The following ZPBP variants were observed in gnomAD, a reference collection of about 807,000 sequenced individuals.
ZPBP encodes the protein zona pellucida-binding protein 1.
A neutral mutation model predicts 44.8 loss-of-function variants in ZPBP; 26 were observed. The observed-to-expected ratio is 0.58, with a 90% CI of 0.43 to 0.81. ZPBP has a LOEUF of 0.81. Ranked by LOEUF, ZPBP falls within the 30% of genes least tolerant of loss-of-function variation. The pLI is 0.00. For missense variants in ZPBP, 409 were observed against 434.0 expected, an observed-to-expected ratio of 0.94 and a Z score of 0.51; for synonymous variants, 174 against 153.2, an observed-to-expected ratio of 1.14 and a Z score of -1.00.
intron 6 of ZPBP, 95 bp from the exon 7 acceptor site, chr7:49,983,614 C>G: frequency 1.3e-6 from 1 of 755,152 alleles, no homozygotes; most frequent in Non-Finnish European, 2.1e-6. Context: ...TTAAAGAAAA[C>G]AAAGTCTCAA....
chr7:49,955,431 C>T (rs1042509891), intron 7 of ZPBP, among the ~76,000 whole-genome samples: 1 of 152,010 alleles, frequency 6.6e-6, no homozygotes, highest in Non-Finnish European at 1.5e-5. Context: ...CTGGTGTGTG[C>T]CTTTAATCCC....
At chr7:49,856,574 T>C (rs1337074682) in intron 2 of ZPBP, among the ~76,000 whole-genome samples, 1 of 152,192 alleles carries the variant, frequency 6.6e-6, no homozygotes, top group Non-Finnish European at 1.5e-5. Flanking sequence ...TGAAGTATAA[T>C]TGGTATATAA....
chr7:49,847,681 C>A (rs889211247), downstream of ZPBP, among the ~76,000 whole-genome samples: 1 of 152,168 alleles, frequency 6.6e-6, no homozygotes, highest in Admixed American at 6.5e-5. Context: ...TGAGCAAAAG[C>A]CCTCATGGTG....
chr7:49,875,100 G>A (rs150105768), intron 2 of ZPBP, among the ~76,000 whole-genome samples: 24 of 151,860 alleles, frequency 1.6e-4, no homozygotes, highest in Middle Eastern at 3.4e-3. Flanking sequence ...GGCCGGGCAC[G>A]GTGGCTCATG....
At chr7:50,082,477 G>T (rs909972520) in intron 2 of ZPBP, among the ~76,000 whole-genome samples, 3 of 151,714 alleles carry the variant, frequency 2.0e-5, no homozygotes, top group African/African-American at 7.3e-5. Context: ...TCCTTTAGGA[G>T]ATACAAAAGG....
At chr7:49,922,355 G>T (rs552994107) in intron 1 of ZPBP, among the ~76,000 whole-genome samples, 2 of 152,048 alleles carry the variant, frequency 1.3e-5, no homozygotes, top group Non-Finnish European at 2.9e-5. Context: ...GCTCCTCTGC[G>T]CTGGCTTGGA....
chr7:50,010,908 C>CAAAAAAAAAAAAAAAAAA (rs71554292), intron 6 of ZPBP, among the ~76,000 whole-genome samples: 3 of 92,436 alleles, frequency 3.2e-5, no homozygotes, highest in East Asian at 7.1e-4. Flanking sequence ...CAAGACCAAG[C>CAAAAAAAAAAAAAAAAAA]AAAAAAAAAA....
At chr7:49,924,337 G>T (rs1047032548) in intron 1 of ZPBP, among the ~76,000 whole-genome samples, 1 of 151,956 alleles carries the variant, frequency 6.6e-6, no homozygotes, top group Admixed American at 6.6e-5. Flanking sequence ...TAGGAAACAG[G>T]TGCATAATTC....
intron 2 of ZPBP, among the ~76,000 whole-genome samples, chr7:49,868,470 TTTTATAA>T (rs1791004368): frequency 6.6e-6 from 1 of 152,204 alleles, no homozygotes; most frequent in Non-Finnish European, 1.5e-5. Context: ...ATGTACTGTA[TTTTATAA>T]AAATACCTAA....
chr7:49,961,079 A>C (rs1795845517), intron 7 of ZPBP, among the ~76,000 whole-genome samples: 1 of 152,174 alleles, frequency 6.6e-6, no homozygotes, highest in Non-Finnish European at 1.5e-5. Context: ...AACATACACT[A>C]ACCATATGAC....
intron 6 of ZPBP, among the ~76,000 whole-genome samples, chr7:50,003,925 T>C (rs1798195962): frequency 6.6e-6 from 1 of 152,142 alleles, no homozygotes; most frequent in South Asian, 2.1e-4. Context: ...CAAATTTCCC[T>C]AAATATGCTT....
chr7:49,993,448 T>A (rs1797654492), intron 6 of ZPBP, among the ~76,000 whole-genome samples: 1 of 152,142 alleles, frequency 6.6e-6, no homozygotes, highest in South Asian at 2.1e-4. Flanking sequence ...CACAATTGAT[T>A]GAAACATTCC....
chr7:50,076,746 AGGAC>A (rs1344839853), intron 3 of ZPBP, among the ~76,000 whole-genome samples: 2 of 151,800 alleles, frequency 1.3e-5, no homozygotes, highest in African/African-American at 4.8e-5. Flanking sequence ...GAAACTGAAG[AGGAC>A]ATCCAAAGAT....
intron 7 of ZPBP, among the ~76,000 whole-genome samples, chr7:49,973,986 A>C (rs997197494): frequency 6.6e-6 from 1 of 152,202 alleles, no homozygotes; most frequent in African/African-American, 2.4e-5. Flanking sequence ...GTTCTCATAC[A>C]GGCTACCACA....
At chr7:49,881,842 CAG>C (rs539040747) in intron 2 of ZPBP, among the ~76,000 whole-genome samples, 191 of 151,956 alleles carry the variant, frequency 1.3e-3, no homozygotes, top group African/African-American at 4.5e-3. Context: ...TACTACTAAA[CAG>C]ATATTTTTCT....
chr7:49,861,941 G>C (rs1231544837), intron 2 of ZPBP, among the ~76,000 whole-genome samples: 1 of 152,116 alleles, frequency 6.6e-6, no homozygotes, highest in Admixed American at 6.5e-5. Context: ...CTTTTTTAAA[G>C]ATTATTATGG....
intron 7 of ZPBP, among the ~76,000 whole-genome samples, chr7:49,974,754 G>A (rs1447624239): frequency 1.7e-4 from 1 of 5,848 alleles, no homozygotes; most frequent in Non-Finnish European, 3.3e-4. Context: ...CCATACATTT[G>A]GCAAATGTCT....
At chr7:49,845,105 G>T in the ZPBP span, among the ~76,000 whole-genome samples, 1 of 152,206 alleles carries the variant, frequency 6.6e-6, no homozygotes, top group South Asian at 2.1e-4. Flanking sequence ...ACATGGGCGG[G>T]AACAACACAC....
At chr7:49,912,282 T>A in intron 1 of ZPBP, 1 of 1,293,638 alleles carries the variant, frequency 7.7e-7, no homozygotes, top group Non-Finnish European at 1.0e-6. Context: ...AGAAGACTTT[T>A]GATGAGGAAT....
Sources: allele counts gnomAD v4.1 joint callset (sites outside exome capture counted in the v4.1 genomes callset), GRCh38; gene constraint gnomAD v4.1.1; transcripts MANE v1.5; gene names NCBI Gene and HGNC (gene_info 2026-07-23, HGNC 2026-07-21).